The following FTO variants were observed in gnomAD, a reference collection of about 807,000 sequenced individuals.
FTO encodes the protein FTO alpha-ketoglutarate dependent dioxygenase.
Under a neutral mutation model 63.9 loss-of-function variants are expected in FTO, and 47 were observed. The observed-to-expected ratio is 0.74, with a 90% CI of 0.58 to 0.94. FTO has a LOEUF of 0.94. Ranked by LOEUF, FTO falls within the 40% of genes least tolerant of loss-of-function variation. FTO has a pLI of 0.00. For synonymous variants in FTO, 207 were observed against 224.4 expected (o/e 0.92, Z 0.69); for missense variants, 562 against 618.1 (o/e 0.91, Z 0.96).
intron 2 of FTO, among the ~76,000 whole-genome samples, chr16:53,816,232 C>T (rs1183803102): frequency 6.6e-6 from 1 of 152,206 alleles, no homozygotes. Flanking sequence ...CTGCTTCTCA[C>T]CACCTCTGCT....
intron 8 of FTO, among the ~76,000 whole-genome samples, chr16:54,059,639 T>C (rs2085522222): frequency 6.6e-6 from 1 of 152,184 alleles, no homozygotes; most frequent in African/African-American, 2.4e-5. Flanking sequence ...TAAGAGTGCA[T>C]TACTGTGGCT....
chr16:54,094,836 T>C (rs376132654), intron 8 of FTO, among the ~76,000 whole-genome samples: 3 of 152,292 alleles, frequency 2.0e-5, no homozygotes, highest in Admixed American at 6.5e-5. Flanking sequence ...ATGAGATGAC[T>C]CCATTCCTAA....
intron 8 of FTO, among the ~76,000 whole-genome samples, chr16:54,026,823 C>T (rs1936221599): frequency 6.6e-6 from 1 of 152,180 alleles, no homozygotes; most frequent in Admixed American, 6.5e-5. Context: ...AAAACATTCA[C>T]AACAAACTCT....
chr16:54,110,992 A>G (rs1438432947), intron 8 of FTO, among the ~76,000 whole-genome samples: 2 of 152,230 alleles, frequency 1.3e-5, no homozygotes, highest in African/African-American at 4.8e-5. Flanking sequence ...ATGCCTGCCA[A>G]GGTGTAAGAA....
At chr16:54,004,291 C>T (rs530470316) in intron 8 of FTO, among the ~76,000 whole-genome samples, 5 of 152,060 alleles carry the variant, frequency 3.3e-5, no homozygotes, top group African/African-American at 1.2e-4. Context: ...ACTTGAGAGG[C>T]GGAGGGGGGA....
chr16:53,827,420 A>G (rs1036428776), intron 3 of FTO, among the ~76,000 whole-genome samples: 2 of 152,120 alleles, frequency 1.3e-5, no homozygotes, highest in African/African-American at 4.8e-5. Flanking sequence ...TGTTTGGAAA[A>G]CCAGAATTCT....
intron 1 of FTO, chr16:53,764,124 A>C (rs955048921): frequency 6.6e-6 from 1 of 152,194 alleles, no homozygotes; most frequent in Non-Finnish European, 1.5e-5. Context: ...TGTGGGAGGC[A>C]CTCAATGAAT....
At chr16:53,955,176 A>T (rs1037378447) in intron 8 of FTO, among the ~76,000 whole-genome samples, 4 of 152,100 alleles carry the variant, frequency 2.6e-5, no homozygotes, top group African/African-American at 9.7e-5. Context: ...TTGCATGAAG[A>T]TGGATGGTTA....
chr16:54,018,888 G>A (rs1048692037), intron 8 of FTO, among the ~76,000 whole-genome samples: 5 of 152,218 alleles, frequency 3.3e-5, no homozygotes, highest in South Asian at 4.1e-4. Flanking sequence ...AATACAATGG[G>A]CACAGTATCA....
intron 1 of FTO, among the ~76,000 whole-genome samples, chr16:53,732,425 T>A (rs2076294651): frequency 6.6e-6 from 1 of 152,214 alleles, no homozygotes; most frequent in African/African-American, 2.4e-5. Context: ...TAGGAGTTGT[T>A]ACTGCACTTT....
chr16:54,016,338 C>A (rs928428000), intron 8 of FTO, among the ~76,000 whole-genome samples: 1 of 151,602 alleles, frequency 6.6e-6, no homozygotes. Context: ...TCCTCTTGGA[C>A]CGAGCAACAG....
intron 8 of FTO, among the ~76,000 whole-genome samples, chr16:54,083,407 G>A (rs1284853550): frequency 5.3e-5 from 8 of 152,232 alleles, no homozygotes; most frequent in East Asian, 1.9e-4. Context: ...CTTTAAAGCC[G>A]AAAGCTTCAG....
chr16:53,726,952 A>G (rs970067836), intron 1 of FTO, among the ~76,000 whole-genome samples: 7 of 152,226 alleles, frequency 4.6e-5, no homozygotes, highest in South Asian at 2.1e-4. Context: ...GCAGCAGTCC[A>G]TATTACTTAA....
At chr16:53,757,341 G>A (rs145576957) in intron 1 of FTO, among the ~76,000 whole-genome samples, 17 of 152,044 alleles carry the variant, frequency 1.1e-4, no homozygotes, top group African/African-American at 3.9e-4. Context: ...CATATTTATG[G>A]CTGATCATTT....
intron 4 of FTO, among the ~76,000 whole-genome samples, chr16:53,863,470 CTTAAGAACTTGTTTTTGTCT>C (rs2080230035): frequency 6.6e-6 from 1 of 152,186 alleles, no homozygotes; most frequent in Admixed American, 6.5e-5. Context: ...TTGGAGTGTG[CTTAAGAACTTGTTTTTGTCT>C]TTATGTGGAT....
chr16:53,799,986 A>T (rs2078176089), intron 1 of FTO, among the ~76,000 whole-genome samples: 3 of 150,272 alleles, frequency 2.0e-5, no homozygotes, highest in Admixed American at 6.6e-5. Flanking sequence ...TTTTTTTTTA[A>T]CTTTTCTGTT....
intron 1 of FTO, among the ~76,000 whole-genome samples, chr16:53,775,016 C>T (rs1033051319): frequency 2.6e-5 from 4 of 152,038 alleles, no homozygotes; most frequent in African/African-American, 4.8e-5. Flanking sequence ...TCTCACATGC[C>T]GCCATTAAAT....
intron 7 of FTO, among the ~76,000 whole-genome samples, chr16:53,926,373 A>G (rs2082137523): frequency 2.0e-5 from 3 of 152,204 alleles, no homozygotes; most frequent in African/African-American, 7.2e-5. Flanking sequence ...TTCACTCCCC[A>G]GACATGTTTC....
intron 7 of FTO, among the ~76,000 whole-genome samples, chr16:53,929,237 C>T (rs2082223085): frequency 6.6e-6 from 1 of 152,164 alleles, no homozygotes; most frequent in Non-Finnish European, 1.5e-5. Context: ...CTGCGTCTTG[C>T]CCAACCGAAT....
Sources: allele counts gnomAD v4.1 joint callset (sites outside exome capture counted in the v4.1 genomes callset), GRCh38; gene constraint gnomAD v4.1.1; transcripts MANE v1.5; gene names NCBI Gene and HGNC (gene_info 2026-07-23, HGNC 2026-07-21).